The following SHANK2 variants were observed in gnomAD, a reference collection of about 807,000 sequenced individuals.
SHANK2 encodes the protein SH3 and multiple ankyrin repeat domains 2, also known as SH3 and multiple ankyrin repeat domains protein 2.
SHANK2 carries 43 observed loss-of-function variants against 133.7 expected under a neutral mutation model. That is an observed-to-expected ratio of 0.32 (90% CI 0.25 to 0.41). SHANK2 has a LOEUF of 0.41. SHANK2 is among the 10% of genes least tolerant of loss of function. The pLI, the probability that SHANK2 is intolerant of heterozygous loss-of-function variation, is 1.00. For missense variants in SHANK2, 1,994 were observed against 2,235.8 expected (o/e 0.89, Z 2.18); for synonymous variants, 1,017 against 952.8 (o/e 1.07, Z -1.24).
Position 71,094,780 on chromosome 11 carries a change from C to T in SHANK2, c.593-92G>A, listed in dbSNP as rs1187587107. On this transcript the variant is annotated intron_variant, in intron 6 of 25. Transcript: ENST00000601538. ...GATGCCCAAAACTAAGCTGAAAGAA[C>T]TGACTCCCCTCCTCCACCTCCAGGG... 6 of 1,327,204 alleles carry T rather than the reference C, an allele frequency of 4.5e-6. No individual in the cohort carries two copies. The African/African-American group carries it at 5.8e-5, about 13-fold the overall frequency. 82.2% of individuals were successfully genotyped at this position (1,327,204 alleles called of 1,614,324 possible).
chr11:71,085,650 T>TAATATATTATAA (rs1565441538), intron 8 of SHANK2, among the ~76,000 whole-genome samples: 2 of 25,348 alleles, frequency 7.9e-5, no homozygotes, highest in Non-Finnish European at 1.9e-4. Context: ...ATATATTATG[T>TAATATATTATAA]TATATATTAT....
chr11:71,111,730 T>A (rs537394285), intron 5 of SHANK2, among the ~76,000 whole-genome samples: 3 of 152,238 alleles, frequency 2.0e-5, no homozygotes, highest in African/African-American at 7.2e-5. Context: ...ACTGATCAAA[T>A]GCCCTCAAAC....
intron 2 of SHANK2, among the ~76,000 whole-genome samples, chr11:71,162,237 A>G (rs1478795922): frequency 1.3e-5 from 2 of 152,262 alleles, no homozygotes. Context: ...ACTCAAGAGC[A>G]TGGTGTGGCA....
intron 17 of SHANK2, among the ~76,000 whole-genome samples, chr11:70,608,856 A>G (rs184964585): frequency 3.3e-5 from 5 of 152,368 alleles, no homozygotes; most frequent in Non-Finnish European, 7.3e-5. Context: ...GCGGCTATAA[A>G]TAACCCTTAC....
intron 3 of SHANK2, among the ~76,000 whole-genome samples, chr11:71,131,424 G>A (rs1260747243): frequency 6.6e-6 from 1 of 152,208 alleles, no homozygotes; most frequent in Non-Finnish European, 1.5e-5. Context: ...AAAGGGTAAC[G>A]GAGCTGTGGA....
At chr11:70,575,987 TGA>T (rs1554984147) in intron 17 of SHANK2, among the ~76,000 whole-genome samples, 1 of 152,124 alleles carries the variant, frequency 6.6e-6, no homozygotes, top group East Asian at 1.9e-4. Context: ...ACCTGAGCAT[TGA>T]GAGTCAGGAA....
chr11:70,680,808 G>C (rs533162140), intron 15 of SHANK2, among the ~76,000 whole-genome samples: 1 of 152,100 alleles, frequency 6.6e-6, no homozygotes, highest in South Asian at 2.1e-4. Context: ...ACAATCTTTC[G>C]CAGATTGTGG....
intron 15 of SHANK2, among the ~76,000 whole-genome samples, chr11:70,666,914 T>C (rs1390191872): frequency 6.6e-6 from 1 of 152,078 alleles, no homozygotes; most frequent in Non-Finnish European, 1.5e-5. Context: ...TTTTCTGAGC[T>C]AGGTGGAAGG....
intron 7 of SHANK2, 101 bp from the exon 8 acceptor site, chr11:71,092,690 C>A: frequency 8.7e-7 from 1 of 1,154,720 alleles, no homozygotes; most frequent in South Asian, 1.5e-5. Context: ...TCCCCCAGGT[C>A]AAGGCAACCC....
chr11:70,761,992 C>T (rs565570378), intron 14 of SHANK2, among the ~76,000 whole-genome samples: 2 of 152,324 alleles, frequency 1.3e-5, no homozygotes, highest in East Asian at 3.9e-4. Context: ...TCAGCCCCAG[C>T]GGCTTTTCTC....
At chr11:70,948,222 C>A (rs1481559152) in intron 10 of SHANK2, 1 of 455,656 alleles carries the variant, frequency 2.2e-6, no homozygotes, top group Admixed American at 2.4e-5. Context: ...CCATTCCACC[C>A]TCACCCTGCT....
rs1555055754 is a variant in SHANK2, at chr11:70,820,700, G to C, written c.1175-18C>G. The C allele has an allele frequency of 9.2e-6, 6 of 651,462 alleles. No homozygotes were observed. The highest frequency in any genetic ancestry group is 2.8e-6 in the Non-Finnish European group (1 of 354,788). 40.4% of individuals were successfully genotyped at this position (651,462 alleles called of 1,614,324 possible). A position where few individuals can be genotyped will look rare whatever the true frequency, so the allele number is the denominator to read the frequency against. ...GAAGGGCACTGGGGAGAAGGACATG[G>C]AGAGAGGCCGGTGAGTGCATCTGTG... On this transcript the variant is annotated intron_variant, in intron 11 of 25. Transcript: ENST00000601538.
At chr11:71,109,634 C>T (rs539554844) in intron 6 of SHANK2, among the ~76,000 whole-genome samples, 2 of 152,330 alleles carry the variant, frequency 1.3e-5, no homozygotes, top group East Asian at 3.9e-4. Flanking sequence ...GATCTGTGTG[C>T]CCAAGGCTGG....
At chr11:71,110,386 C>T (rs570015841) in intron 5 of SHANK2, among the ~76,000 whole-genome samples, 6 of 152,026 alleles carry the variant, frequency 3.9e-5, no homozygotes, top group Admixed American at 6.6e-5. Context: ...TGCAGTGAGC[C>T]GAGATCGCGC....
chr11:70,606,861 C>T (rs556023959), intron 17 of SHANK2, among the ~76,000 whole-genome samples: 33 of 152,332 alleles, frequency 2.2e-4, no homozygotes, highest in African/African-American at 7.0e-4. Flanking sequence ...CTCTGAGCAA[C>T]CCTGTTCTTC....
chr11:70,858,507 A>G (rs1430261920), intron 11 of SHANK2, among the ~76,000 whole-genome samples: 1 of 152,240 alleles, frequency 6.6e-6, no homozygotes, highest in African/African-American at 2.4e-5. Context: ...CAACCTGACC[A>G]TGGCTCTCCA....
intron 14 of SHANK2, among the ~76,000 whole-genome samples, chr11:70,742,360 A>G (rs1437279481): frequency 6.6e-6 from 1 of 152,174 alleles, no homozygotes; most frequent in African/African-American, 2.4e-5. Context: ...TTGAACCCAC[A>G]GGGTGAAGAA....
intron 11 of SHANK2, among the ~76,000 whole-genome samples, chr11:70,829,083 G>A (rs1186309145): frequency 1.3e-5 from 2 of 152,296 alleles, no homozygotes; most frequent in East Asian, 3.9e-4. Context: ...GAAGACCTTG[G>A]GTGGAGGGTG....
intron 17 of SHANK2, among the ~76,000 whole-genome samples, chr11:70,594,631 T>C (rs538521990): frequency 1.4e-4 from 21 of 152,276 alleles, no homozygotes; most frequent in Admixed American, 6.5e-4. Flanking sequence ...AGGTGCTTAC[T>C]GGGTCCAGGG....
Sources: gnomAD v4.1 joint callset for allele counts (sites outside exome capture counted in the v4.1 genomes callset) on GRCh38, gnomAD v4.1.1 for gene constraint, MANE v1.5 for transcripts, NCBI Gene and HGNC (gene_info 2026-07-23, HGNC 2026-07-21) for gene names.